The following TMEM100 variants were observed in gnomAD, a reference collection of about 807,000 sequenced individuals.
The protein encoded by TMEM100 is transmembrane protein 100.
For missense variants in TMEM100, 137 were observed against 168.2 expected, an observed-to-expected ratio of 0.81 and a Z score of 1.02; for synonymous variants, 61 against 67.1, an observed-to-expected ratio of 0.91 and a Z score of 0.44.
At chr17:55,726,235 T>C (rs897513528), upstream of TMEM100, among the ~76,000 whole-genome samples, 1 of 152,182 alleles carries the variant, frequency 6.6e-6, no homozygotes, top group Admixed American at 6.5e-5. Flanking sequence ...CATTTGCTGT[T>C]CCAGAGAGAA....
rs1908794545 is a variant in TMEM100, at chr17:55,719,634, A to G, written c.*1032T>C. On this transcript the variant is annotated 3_prime_UTR_variant, in exon 2 of 2. Transcript: ENST00000424486. ...CAAATAATTAACAACTGATTCCACAAAAATGTAATATACATTTAATAGCAC... is the reference window on the plus strand; with the variant it reads ...CAAATAATTAACAACTGATTCCACAGAAATGTAATATACATTTAATAGCAC... 6.6e-6 allele frequency: 1 copy of G among 152,264 alleles called. No homozygotes were observed. Among genetic ancestry groups the G allele is most frequent in the South Asian group, 2.1e-4 (1 of 4,832 alleles). 9.4% of individuals were successfully genotyped at this position (152,264 alleles called of 1,614,324 possible).
At chr17:55,729,834 T>C (rs746410739) in intron 1 of TMEM100, among the ~76,000 whole-genome samples, 31 of 152,206 alleles carry the variant, frequency 2.0e-4, no homozygotes, top group Non-Finnish European at 3.2e-4. Flanking sequence ...ACTATGCAAT[T>C]CTTTTTTACA....
At chr17:55,731,171 T>G (rs1437871103) in intron 1 of TMEM100, among the ~76,000 whole-genome samples, 2 of 152,234 alleles carry the variant, frequency 1.3e-5, no homozygotes, top group Non-Finnish European at 2.9e-5. Flanking sequence ...TTCCCTGATT[T>G]ATTTCTTGCT....
upstream of TMEM100, among the ~76,000 whole-genome samples, chr17:55,725,283 C>T (rs1909032734): frequency 1.3e-5 from 2 of 152,256 alleles, no homozygotes; most frequent in African/African-American, 2.4e-5. Context: ...TGCAACCAGC[C>T]TTATTTCTGC....
chr17:55,720,533 A>AC lies in TMEM100; in HGVS notation c.*132dup. ...TTCCTCACAAAGGAGAAGCCCCTCC[A>AC]CCCTCCCACCCCCATTCTTCCAGTC... On this transcript the variant is annotated 3_prime_UTR_variant, in exon 2 of 2. Coordinates refer to ENST00000424486, the MANE Select transcript of TMEM100 (RefSeq NM_018286.3). 9 of 593,964 alleles carry AC rather than the reference A, an allele frequency of 1.5e-5. No individual in the cohort carries two copies. Among genetic ancestry groups the AC allele is most frequent in the East Asian group, 3.9e-5 (1 of 25,668 alleles). 36.8% of individuals were successfully genotyped at this position (593,964 alleles called of 1,614,324 possible).
At chr17:55,729,462 C>T (rs1453478468) in intron 1 of TMEM100, among the ~76,000 whole-genome samples, 3 of 152,096 alleles carry the variant, frequency 2.0e-5, no homozygotes, top group Admixed American at 6.6e-5. Flanking sequence ...ATTTTGTTAG[C>T]GTAGCTATTC....
Position 55,722,600 on chromosome 17 carries a change from C to T in TMEM100, c.-66+19G>A, listed in dbSNP as rs1039622126. On this transcript the variant is annotated intron_variant, in intron 1 of 1. Transcript: ENST00000424486. ...CTAACCTGAAAATCAAGATCTGTCC[C>T]CAAATTACTTACACTCACCTCGGAG... is the stretch of plus-strand genomic sequence containing the variant. The T allele has an allele frequency of 6.6e-6, 1 of 152,186 alleles. No individual in the cohort carries two copies. Among genetic ancestry groups the T allele is most frequent in the Non-Finnish European group, 1.5e-5 (1 of 68,036 alleles). The allele number at this position is 152,186 out of a possible 1,614,324, so 9.4% of individuals were successfully genotyped here.
In TMEM100 at chr17:55,720,777, A is replaced by G. The variant is rs144111674; in HGVS notation, c.294T>C (p.Phe98=). 1.7e-4 allele frequency: 274 copies of G among 1,614,234 alleles called. 6 individuals carry two copies. In the East Asian group the frequency reaches 6.0e-3, roughly 35 times the overall value. ...FGLVVLSSGL[F]LLASSALCWK... is the part of the protein sequence containing the mutation. ...AGCACAAGGCACTGGAGGCTAGTAA[A>G]AAAAGTCCAGATGACAGAACAACCA... Residue 98 remains phenylalanine (F), a synonymous_variant, in exon 2 of 2, where the codon TTT becomes TTC. Coordinates refer to ENST00000424486, the MANE Select transcript of TMEM100 (RefSeq NM_018286.3).
upstream of TMEM100, among the ~76,000 whole-genome samples, chr17:55,725,443 C>T (rs148956740): frequency 1.7e-4 from 26 of 152,286 alleles, no homozygotes; most frequent in Non-Finnish European, 2.9e-4. Flanking sequence ...AGACATTCAA[C>T]ATTTCCTTCC....
In TMEM100 at chr17:55,721,011, C is replaced by T. The variant is rs777879160; in HGVS notation, c.60G>A (p.Thr20=). ...CTTCACTCTTGGGGCTCTTCTCCAT[C>T]GTCGCTGCCATGTGAGCCTTTGGGG... is the stretch of plus-strand genomic sequence containing the variant. ...LGAPKAHMAA[T]MEKSPKSEVV... is the part of the protein sequence containing the mutation. The change falls in exon 2 of 2, where the codon ACG becomes ACA. Residue 20 remains threonine (T), a synonymous_variant. Transcript: ENST00000424486. 3.0e-5 allele frequency: 48 copies of T among 1,613,974 alleles called. No individual in the cohort carries two copies. The highest frequency in any genetic ancestry group is 8.8e-5 in the South Asian group (8 of 91,066).
rs201119663 is a variant in TMEM100 at position 55,720,695 on chromosome 17, C to T, written c.376G>A (p.Val126Met). 80 of 1,611,534 alleles carry T rather than the reference C, an allele frequency of 5.0e-5. No homozygotes were observed. In the African/African-American group the frequency reaches 5.2e-4, roughly 10 times the overall value. Reference sequence around the variant, plus strand: ...GCAAACAAGCTTCTCTGATTTGCCACGAGAGCTGTTTGACTCTCCCGTCTC... The same window carrying T: ...GCAAACAAGCTTCTCTGATTTGCCATGAGAGCTGTTTGACTCTCCCGTCTC... Reference protein sequence around the residue: ...AKRRESQTALVANQRSLFA With the variant: ...AKRRESQTALMANQRSLFA Residue 126 changes from valine (V) to methionine (M), a missense_variant, in exon 2 of 2, where the codon GTG becomes ATG. Val to Met is a conservative substitution (Grantham distance 21). Transcript: ENST00000424486.
At position 55,722,819 on chromosome 17, in the gene TMEM100, T is replaced by A. The variant is rs557830486; in HGVS notation, c.-266A>T. On this transcript the variant is annotated 5_prime_UTR_variant, in exon 1 of 2. Transcript: ENST00000424486. ...CTATAGGGTCTGCTCTGGTTTGGGATCCTGGAGTTCCTGCTTCTTTCAGGC... is the reference window on the plus strand; with the variant it reads ...CTATAGGGTCTGCTCTGGTTTGGGAACCTGGAGTTCCTGCTTCTTTCAGGC... The A allele has an allele frequency of 2.1e-4, 32 of 152,448 alleles. No individual in the cohort carries two copies. The highest frequency in any genetic ancestry group is 7.7e-4 in the African/African-American group (32 of 41,590). The allele number at this position is 152,448 out of a possible 1,614,324, so 9.4% of individuals were successfully genotyped here.
upstream of TMEM100, among the ~76,000 whole-genome samples, chr17:55,726,059 T>G (rs1470271344): frequency 6.6e-6 from 1 of 152,156 alleles, no homozygotes; most frequent in Non-Finnish European, 1.5e-5. Flanking sequence ...GTGGTGAGAA[T>G]GGCATTTGGT....
chr17:55,720,542 C>T lies in TMEM100; in HGVS notation c.*124G>A, dbSNP rs560648250. 37 of 1,032,226 alleles carry T rather than the reference C, an allele frequency of 3.6e-5. No homozygotes were observed. The African/African-American group carries it at 5.1e-4, about 14-fold the overall frequency. 63.9% of individuals were successfully genotyped at this position (1,032,226 alleles called of 1,614,324 possible). A position where few individuals can be genotyped will look rare whatever the true frequency, so the allele number is the denominator to read the frequency against. On this transcript the variant is annotated 3_prime_UTR_variant, in exon 2 of 2. Coordinates refer to ENST00000424486, the MANE Select transcript of TMEM100 (RefSeq NM_018286.3). Reference sequence around the variant, plus strand: ...AAGGAGAAGCCCCTCCACCCTCCCACCCCCATTCTTCCAGTCTGCTCCAAC... The same window carrying T: ...AAGGAGAAGCCCCTCCACCCTCCCATCCCCATTCTTCCAGTCTGCTCCAAC...
At chr17:55,726,412 G>A (rs951757666), upstream of TMEM100, among the ~76,000 whole-genome samples, 2 of 152,112 alleles carry the variant, frequency 1.3e-5, no homozygotes, top group Non-Finnish European at 2.9e-5. Context: ...CAAAGATTCA[G>A]GCTCTAAGGT....
chr17:55,730,075 T>G (rs1909168343), intron 1 of TMEM100, among the ~76,000 whole-genome samples: 1 of 152,164 alleles, frequency 6.6e-6, no homozygotes, highest in South Asian at 2.1e-4. Flanking sequence ...CCACTACAGA[T>G]TTATTTTGGA....
At chr17:55,724,208 T>C (rs1185817188), upstream of TMEM100, among the ~76,000 whole-genome samples, 8 of 152,210 alleles carry the variant, frequency 5.3e-5, no homozygotes, top group Non-Finnish European at 1.2e-4. Context: ...GCCTCTCCTC[T>C]ACCACAGCAC....
At position 55,720,407 on chromosome 17, in the gene TMEM100, T is replaced by TC. The variant is rs1908828288; in HGVS notation, c.*258dup. 2.0e-6 allele frequency: 1 copy of TC among 499,952 alleles called. No homozygotes were observed. The allele number at this position is 499,952 out of a possible 1,614,324, so 31.0% of individuals were successfully genotyped here. A position where few individuals can be genotyped will look rare whatever the true frequency, so the allele number is the denominator to read the frequency against. ...CCAAATACTGTCTAATGCTGTGCAC[T>TC]CCCATGACCCCCAAAGTGTTTCATG... On this transcript the variant is annotated 3_prime_UTR_variant, in exon 2 of 2. Coordinates refer to ENST00000424486, the MANE Select transcript of TMEM100 (RefSeq NM_018286.3).
At chr17:55,724,925 C>T (rs1032016763), upstream of TMEM100, among the ~76,000 whole-genome samples, 1 of 152,162 alleles carries the variant, frequency 6.6e-6, no homozygotes, top group Non-Finnish European at 1.5e-5. Flanking sequence ...CTCATTCACA[C>T]CAATGCTCCT....
Sources: allele counts gnomAD v4.1 joint callset (sites outside exome capture counted in the v4.1 genomes callset), GRCh38; gene constraint gnomAD v4.1.1; transcripts MANE v1.5; gene names NCBI Gene and HGNC (gene_info 2026-07-23, HGNC 2026-07-21).